Variants in TRMT11 observed in about 807,000 individuals in gnomAD.
The protein encoded by TRMT11 is tRNA methyltransferase 11.
Under a neutral mutation model 62.8 loss-of-function variants are expected in TRMT11, and 53 were observed. The observed-to-expected ratio is 0.84, with a 90% CI of 0.68 to 1.06. The LOEUF (loss-of-function observed/expected upper bound fraction) is 1.06. Ranked by LOEUF, TRMT11 falls within the 50% of genes least tolerant of loss-of-function variation. The pLI is 0.00. For synonymous variants in TRMT11, 188 were observed against 190.3 expected, an observed-to-expected ratio of 0.99 and a Z score of 0.10; for missense variants, 556 against 553.4, an observed-to-expected ratio of 1.00 and a Z score of -0.05.
At chr6:126,118,045 A>G (rs920016649) in intron 21 of TRMT11, among the ~76,000 whole-genome samples, 11 of 152,104 alleles carry the variant, frequency 7.2e-5, no homozygotes, top group African/African-American at 2.7e-4. Context: ...TTATTGAGTT[A>G]TCTTTCTATT....
intron 17 of TRMT11, among the ~76,000 whole-genome samples, chr6:126,109,373 T>C (rs933269635): frequency 7.9e-5 from 12 of 152,198 alleles, no homozygotes; most frequent in Non-Finnish European, 1.2e-4. Context: ...AAAGGGTATA[T>C]AGGTCAACTG....
At chr6:126,222,310 T>C in the TRMT11 span, among the ~76,000 whole-genome samples, 3 of 152,210 alleles carry the variant, frequency 2.0e-5, no homozygotes, top group African/African-American at 4.8e-5. Flanking sequence ...TTTGGTTCCA[T>C]ATTAATTTTA....
At chr6:125,994,355 A>C (rs1239692899) in intron 2 of TRMT11, among the ~76,000 whole-genome samples, 1 of 150,702 alleles carries the variant, frequency 6.6e-6, no homozygotes, top group East Asian at 1.9e-4. Flanking sequence ...TTGTAATTCT[A>C]CTTCTGTAGT....
rs577838191 is a variant in TRMT11, at chr6:126,089,128, T to C, written c.*1438-23738T>C. On this transcript the variant is annotated intron_variant and NMD_transcript_variant, in intron 17 of 22. Coordinates refer to the TRMT11 transcript ENST00000648977. ...TTTACATGTAATCTTTTTTTTTTTT[T>C]CCCAAGATGGAGTCTTGCTCTGTCA... 2.6e-3 allele frequency among the ~76,000 whole-genome samples: 396 copies of C among 152,050 alleles called. 4 individuals are homozygous for C. Among genetic ancestry groups the C allele is most frequent in the African/African-American group, 8.4e-3 (348 of 41,480 alleles).
intron 21 of TRMT11, among the ~76,000 whole-genome samples, chr6:126,128,966 T>C (rs1184362554): frequency 6.6e-6 from 1 of 151,480 alleles, no homozygotes; most frequent in African/African-American, 2.4e-5. Flanking sequence ...CTTTTTCTTG[T>C]TGTCTAGAGC....
At chr6:126,167,070 C>T (rs993705978) in intron 21 of TRMT11, among the ~76,000 whole-genome samples, 3 of 152,168 alleles carry the variant, frequency 2.0e-5, no homozygotes, top group Non-Finnish European at 4.4e-5. Context: ...GTGGGATCCA[C>T]TGAGCAAGAC....
chr6:126,214,107 A>C, the TRMT11 span, among the ~76,000 whole-genome samples: 1 of 151,916 alleles, frequency 6.6e-6, no homozygotes, highest in African/African-American at 2.4e-5. Context: ...ATCATGATGG[A>C]GTGATCTTTC....
chr6:126,233,123 C>A, the TRMT11 span, among the ~76,000 whole-genome samples: 1 of 152,082 alleles, frequency 6.6e-6, no homozygotes, highest in Non-Finnish European at 1.5e-5. Context: ...CAGTATTGAA[C>A]CTGACCATGT....
chr6:126,093,929 T>C (rs1470281950), intron 17 of TRMT11, among the ~76,000 whole-genome samples: 2 of 152,066 alleles, frequency 1.3e-5, no homozygotes, highest in East Asian at 3.9e-4. Flanking sequence ...AACAAAATGC[T>C]TTACTCAGCT....
the TRMT11 span, among the ~76,000 whole-genome samples, chr6:126,270,597 A>C: frequency 6.6e-6 from 1 of 152,214 alleles, no homozygotes; most frequent in African/African-American, 2.4e-5. Flanking sequence ...ATTATATTGT[A>C]GTTATATAAG....
intron 17 of TRMT11, among the ~76,000 whole-genome samples, chr6:126,106,954 AAAT>A (rs1353873742): frequency 7.9e-5 from 12 of 151,896 alleles, no homozygotes; most frequent in African/African-American, 2.7e-4. Flanking sequence ...AAAAAAAAAA[AAAT>A]CAGACTCTGT....
intron 21 of TRMT11, among the ~76,000 whole-genome samples, chr6:126,150,421 A>G (rs773271364): frequency 6.6e-5 from 10 of 152,204 alleles, no homozygotes; most frequent in Non-Finnish European, 1.0e-4. Flanking sequence ...ACAAAGCAAG[A>G]TGAAATTGTT....
intron 17 of TRMT11, among the ~76,000 whole-genome samples, chr6:126,058,010 G>A (rs996829308): frequency 3.3e-5 from 5 of 151,364 alleles, no homozygotes; most frequent in African/African-American, 1.2e-4. Flanking sequence ...AGAATGTGCA[G>A]CATTGTTACA....
chr6:126,247,621 T>G, the TRMT11 span, among the ~76,000 whole-genome samples: 2 of 149,010 alleles, frequency 1.3e-5, no homozygotes, highest in Admixed American at 6.7e-5. Context: ...CTATAAAGAC[T>G]TACTGGAAAT....
At chr6:126,114,313 C>T (rs1191620100) in intron 18 of TRMT11, among the ~76,000 whole-genome samples, 1 of 152,020 alleles carries the variant, frequency 6.6e-6, no homozygotes, top group Non-Finnish European at 1.5e-5. Context: ...GAACAGAGAG[C>T]TCAGATCAAA....
At chr6:126,263,149 A>G in the TRMT11 span, among the ~76,000 whole-genome samples, 5 of 152,160 alleles carry the variant, frequency 3.3e-5, no homozygotes, top group African/African-American at 4.8e-5. Flanking sequence ...CTCAGTTGCC[A>G]TCTCAAACCA....
At chr6:126,180,163 G>T (rs1045503338) in intron 1 of TRMT11, among the ~76,000 whole-genome samples, 1 of 152,050 alleles carries the variant, frequency 6.6e-6, no homozygotes, top group African/African-American at 2.4e-5. Context: ...TCATTGACTC[G>T]TGAGGTTATA....
chr6:126,080,443 A>G (rs988852622), intron 17 of TRMT11, among the ~76,000 whole-genome samples: 5 of 152,060 alleles, frequency 3.3e-5, no homozygotes, highest in African/African-American at 9.7e-5. Context: ...CATAATGGAG[A>G]GTCAGGGTCA....
chr6:126,251,966 A>G, the TRMT11 span, among the ~76,000 whole-genome samples: 2 of 152,240 alleles, frequency 1.3e-5, no homozygotes, highest in Non-Finnish European at 2.9e-5. Context: ...ATGTCTGGCC[A>G]CATTAGGCTT....
Sources: gnomAD v4.1 joint callset for allele counts (sites outside exome capture counted in the v4.1 genomes callset) on GRCh38, gnomAD v4.1.1 for gene constraint, MANE v1.5 for transcripts, NCBI Gene and HGNC (gene_info 2026-07-23, HGNC 2026-07-21) for gene names.